The following NEURL1B variants were observed in gnomAD, a reference collection of about 807,000 sequenced individuals.
The protein encoded by NEURL1B is neuralized E3 ubiquitin protein ligase 1B.
A neutral mutation model predicts 37.4 loss-of-function variants in NEURL1B; 13 were observed. The observed-to-expected ratio is 0.35, with a 90% CI of 0.23 to 0.55. The LOEUF (loss-of-function observed/expected upper bound fraction) is 0.55, where lower values mean the gene tolerates loss of function less well. Among genes scored for constraint, NEURL1B ranks in the 20% least tolerant of loss-of-function variants. The pLI is 0.89. For missense variants in NEURL1B, 790 were observed against 879.2 expected, an observed-to-expected ratio of 0.90 and a Z score of 1.28; for synonymous variants, 432 against 426.6, an observed-to-expected ratio of 1.01 and a Z score of -0.16.
chr5:172,667,445 CA>C lies in NEURL1B; in HGVS notation c.32-2329del, dbSNP rs375143480. ...TGGGCAACAGAGAAAGACTCCATTT[CA>C]AAAAAAAAAAGAAAAGATCCAAAAG... On this transcript the variant is annotated intron_variant, in intron 1 of 4. Transcript: ENST00000369800. Among the ~76,000 whole-genome samples the C allele has an allele frequency of 6.0e-3, 848 of 141,724 alleles. 6 individuals are homozygous for C. Among genetic ancestry groups the C allele is most frequent in the Middle Eastern group, 0.011 (3 of 276 alleles). The allele number at this position is 141,724 out of a possible 152,430, so 93.0% of individuals were successfully genotyped here. A position where few individuals can be genotyped will look rare whatever the true frequency, so the allele number is the denominator to read the frequency against.
chr5:172,682,706 G>A (rs1407977774), intron 2 of NEURL1B, among the ~76,000 whole-genome samples: 1 of 152,250 alleles, frequency 6.6e-6, no homozygotes, highest in African/African-American at 2.4e-5. Flanking sequence ...GAACACAGCA[G>A]TGAGGACAGA....
intron 3 of NEURL1B, among the ~76,000 whole-genome samples, chr5:172,684,877 G>A (rs929286760): frequency 6.6e-6 from 1 of 152,204 alleles, no homozygotes; most frequent in Non-Finnish European, 1.5e-5. Flanking sequence ...GAGATGTTCA[G>A]AGAAGGCTTC....
rs1007825808 is a variant in NEURL1B at position 172,689,278 on chromosome 5, T to G, written c.*2353T>G. The G allele has an allele frequency of 6.6e-6, 1 of 152,372 alleles. No homozygotes were observed. Among genetic ancestry groups the G allele is most frequent in the Middle Eastern group, 3.4e-3 (1 of 296 alleles). 9.4% of individuals were successfully genotyped at this position (152,372 alleles called of 1,614,324 possible). A position where few individuals can be genotyped will look rare whatever the true frequency, so the allele number is the denominator to read the frequency against. On this transcript the variant is annotated 3_prime_UTR_variant, in exon 5 of 5. Coordinates refer to ENST00000369800, the MANE Select transcript of NEURL1B (RefSeq NM_001142651.3). ...GCACACGTCCCCACTATGTTCTGTC[T>G]TGAGAAGGGGACAAGAGAAAGAGGA... is the stretch of plus-strand genomic sequence containing the variant.
intron 1 of NEURL1B, among the ~76,000 whole-genome samples, chr5:172,646,756 C>T (rs1191769904): frequency 6.6e-6 from 1 of 151,996 alleles, no homozygotes; most frequent in African/African-American, 2.4e-5. Context: ...GGAGGAGGTG[C>T]GCTCTGTCTA....
intron 1 of NEURL1B, among the ~76,000 whole-genome samples, chr5:172,659,443 G>T (rs35326834): frequency 0.15 from 23,279 of 152,134 alleles, 1,965 homozygotes; most frequent in Admixed American, 0.24. Context: ...CTGGGCAGCT[G>T]CCAGGGGCTG....
intron 2 of NEURL1B, among the ~76,000 whole-genome samples, chr5:172,681,635 A>T (rs1337029802): frequency 6.6e-6 from 1 of 152,228 alleles, no homozygotes; most frequent in African/African-American, 2.4e-5. Flanking sequence ...GCCAGGGCAG[A>T]ATTCAGGTCC....
intron 1 of NEURL1B, chr5:172,656,517 G>T (rs575768198): frequency 5.7e-5 from 91 of 1,607,108 alleles, no homozygotes; most frequent in Non-Finnish European, 6.7e-5. Flanking sequence ...ACAAGGAACA[G>T]CTTACTTTTT....
rs2113339870 is a variant in NEURL1B at position 172,686,373 on chromosome 5, AG to A, written c.1423+80del. On this transcript the variant is annotated intron_variant, in intron 4 of 4. Transcript: ENST00000369800. This position sits in a 1 kb window ranked among gnomAD's most constrained non-coding sequence, Gnocchi z 7.9. The stretch of plus-strand genomic sequence containing the variant: ...CCTCCGGCTGTGCCAGTGGCCTTCC[AG>A]GGACTGAGCAGGGTGGCCGCCTTTC... The A allele has an allele frequency of 6.8e-7, 1 of 1,471,572 alleles. No individual in the cohort carries two copies. Among genetic ancestry groups the A allele is most frequent in the Non-Finnish European group, 9.2e-7 (1 of 1,083,402 alleles). The allele number at this position is 1,471,572 out of a possible 1,614,324, so 91.2% of individuals were successfully genotyped here. A position where few individuals can be genotyped will look rare whatever the true frequency, so the allele number is the denominator to read the frequency against.
intron 1 of NEURL1B, among the ~76,000 whole-genome samples, chr5:172,655,727 G>GTTT (rs74431507): frequency 7.3e-6 from 1 of 137,566 alleles, no homozygotes. Context: ...GCCAGTGTTT[G>GTTT]TTTTTTTTTT....
In NEURL1B at chr5:172,684,066, G is replaced by C; in HGVS notation, c.1225G>C (p.Val409Leu). Residue 409 changes from valine to leucine, a missense_variant, in exon 3 of 5, where the codon GTC (valine) becomes CTC (leucine). Coordinates refer to ENST00000369800, the MANE Select transcript of NEURL1B (RefSeq NM_001142651.3). ...GCGTCCGCGCGGCCGCCTGCTGTGC[G>C]TCGACACCACGCAGGCGCTCTGGGC... ...NGRPRGRLLC[V>L]DTTQALWAFF... is the part of the protein sequence containing the mutation. The C allele has an allele frequency of 1.5e-6, 2 of 1,322,990 alleles. No homozygotes were observed. Among genetic ancestry groups the C allele is most frequent in the Non-Finnish European group, 1.9e-6 (2 of 1,035,526 alleles). The allele number at this position is 1,322,990 out of a possible 1,614,324, so 82.0% of individuals were successfully genotyped here.
At position 172,670,813 on chromosome 5, in the gene NEURL1B, C is replaced by T. The variant is rs142085468; in HGVS notation, c.577+483C>T. On this transcript the variant is annotated intron_variant, in intron 2 of 4. Coordinates refer to ENST00000369800, the MANE Select transcript of NEURL1B (RefSeq NM_001142651.3). ...TTTAGTCGTTCATTCACTCATTCAG[C>T]GTCAAACTTAGGCTCTAATCACAAA... 8.3e-4 allele frequency among the ~76,000 whole-genome samples: 127 copies of T among 152,292 alleles called. No homozygotes were observed. The South Asian group carries it at 9.1e-3, about 11-fold the overall frequency.
intron 1 of NEURL1B, among the ~76,000 whole-genome samples, chr5:172,662,468 A>C (rs537784079): frequency 1.5e-4 from 23 of 152,334 alleles, no homozygotes; most frequent in Admixed American, 1.4e-3. Flanking sequence ...CCCATGGGGA[A>C]GGGAAGGGAA....
At chr5:172,645,931 C>T (rs1419260398) in intron 1 of NEURL1B, among the ~76,000 whole-genome samples, 1 of 152,136 alleles carries the variant, frequency 6.6e-6, no homozygotes, top group African/African-American at 2.4e-5. Context: ...TGGGTTGTGA[C>T]CAGCTGTAAA....
Position 172,670,266 on chromosome 5 carries a change from C to A in NEURL1B, c.513C>A (p.Ala171=). The change falls in exon 2 of 5, where the codon GCC becomes GCA. Residue 171 remains alanine, a synonymous_variant. Transcript: ENST00000369800. ...CGGTGCTCTTCCACTGCGGCGTGGC[C>A]GTGGGCGGCCCGCTCTGGGCGCTCA... ...GEPVLFHCGV[A]VGGPLWALID... is the part of the protein sequence containing the mutation. 7 of 1,388,026 alleles carry A rather than the reference C, an allele frequency of 5.0e-6. No homozygotes were observed. Among genetic ancestry groups the A allele is most frequent in the Non-Finnish European group, 6.5e-6 (7 of 1,075,576 alleles). The allele number at this position is 1,388,026 out of a possible 1,614,324, so 86.0% of individuals were successfully genotyped here.
chr5:172,681,614 AG>A (rs1416683081), intron 2 of NEURL1B, among the ~76,000 whole-genome samples: 3 of 152,220 alleles, frequency 2.0e-5, no homozygotes, highest in African/African-American at 7.2e-5. Flanking sequence ...AAGCTTCTTT[AG>A]CCCATTGTGG....
chr5:172,674,619 G>C (rs1341116083), intron 2 of NEURL1B, among the ~76,000 whole-genome samples: 1 of 152,150 alleles, frequency 6.6e-6, no homozygotes, highest in Non-Finnish European at 1.5e-5. Flanking sequence ...CCAGGTGTTA[G>C]GATTTCTTAA....
rs1338314087 is a variant in NEURL1B, at chr5:172,641,369, C to G, written c.-38C>G. 6 of 1,383,648 alleles carry G rather than the reference C, an allele frequency of 4.3e-6. No individual in the cohort carries two copies. Among genetic ancestry groups the G allele is most frequent in the Non-Finnish European group, 5.6e-6 (6 of 1,068,932 alleles). The allele number at this position is 1,383,648 out of a possible 1,614,324, so 85.7% of individuals were successfully genotyped here. A position where few individuals can be genotyped will look rare whatever the true frequency, so the allele number is the denominator to read the frequency against. On this transcript the variant is annotated 5_prime_UTR_variant, in exon 1 of 5. Coordinates refer to ENST00000369800, the MANE Select transcript of NEURL1B (RefSeq NM_001142651.3). The surrounding 1 kb of genome is among the most constrained non-coding windows in gnomAD (Gnocchi z 6.4). ...GCCGCGTAATTAGCCTCCGCGCGCCCAGAGCGCGCCGCCGCCAACGCCGCG... is the reference window on the plus strand; with the variant it reads ...GCCGCGTAATTAGCCTCCGCGCGCCGAGAGCGCGCCGCCGCCAACGCCGCG...
rs1271344101 is a variant in NEURL1B at position 172,687,122 on chromosome 5, C to T, written c.*197C>T. ...TTGCTTCTGGCTCCAAAGTGCTTTGCCCCCAAAAGGCCGTCCCAAGAGCAA... is the reference window on the plus strand; with the variant it reads ...TTGCTTCTGGCTCCAAAGTGCTTTGTCCCCAAAAGGCCGTCCCAAGAGCAA... On this transcript the variant is annotated 3_prime_UTR_variant, in exon 5 of 5. Transcript: ENST00000369800. 1.3e-5 allele frequency: 8 copies of T among 631,924 alleles called. No individual in the cohort carries two copies. The highest frequency in any genetic ancestry group is 1.9e-5 in the Non-Finnish European group (7 of 374,638). 39.1% of individuals were successfully genotyped at this position (631,924 alleles called of 1,614,324 possible).
intron 1 of NEURL1B, among the ~76,000 whole-genome samples, chr5:172,666,711 G>A (rs1246090703): frequency 1.3e-5 from 2 of 152,202 alleles, no homozygotes; most frequent in East Asian, 3.9e-4. Flanking sequence ...GGTGTAGAAA[G>A]GCAGAGGCCT....
Sources: gnomAD v4.1 joint callset for allele counts (sites outside exome capture counted in the v4.1 genomes callset) on GRCh38, gnomAD v4.1.1 for gene constraint, Gnocchi (gnomAD v3.1) non-coding constraint, MANE v1.5 for transcripts, NCBI Gene and HGNC (gene_info 2026-07-23, HGNC 2026-07-21) for gene names.